The following NLRP13 variants were observed in gnomAD, a reference collection of about 807,000 sequenced individuals.
NLRP13 encodes the protein NACHT, LRR and PYD domains-containing protein 13.
A neutral mutation model predicts 94.4 loss-of-function variants in NLRP13; 82 were observed. The ratio of observed to expected loss-of-function variants is 0.87; its 90% CI spans 0.73 to 1.04. The LOEUF (loss-of-function observed/expected upper bound fraction) is 1.04. Ranked by LOEUF, NLRP13 falls within the 50% of genes least tolerant of loss-of-function variation. The pLI is 0.00. For synonymous variants in NLRP13, 553 were observed against 464.7 expected (o/e 1.19, Z -2.45); for missense variants, 1,426 against 1,230.8 (o/e 1.16, Z -2.37).
chr19:55,894,738 G>T (rs1035703730), downstream of NLRP13, among the ~76,000 whole-genome samples: 2 of 152,206 alleles, frequency 1.3e-5, no homozygotes. Flanking sequence ...CAAGGCTCAT[G>T]TCCGTTTGTT....
intron 8 of NLRP13, 56 bp from the exon 9 acceptor site, chr19:55,902,261 TCCTGGA>T: frequency 1.3e-6 from 2 of 1,543,432 alleles, no homozygotes; most frequent in Non-Finnish European, 1.8e-6. Flanking sequence ...AGACCCAGGC[TCCTGGA>T]ACAGAGCCTC....
At chr19:55,927,771 A>T (rs1350941406) in intron 1 of NLRP13, among the ~76,000 whole-genome samples, 3 of 152,112 alleles carry the variant, frequency 2.0e-5, no homozygotes, top group Non-Finnish European at 2.9e-5. Context: ...TGGAACAGTG[A>T]CCCCAGTTTA....
chr19:55,891,702 C>G (rs1600252937), downstream of NLRP13: 2 of 183,538 alleles, frequency 1.1e-5, no homozygotes, highest in Admixed American at 1.2e-4. Context: ...TTTTTATATG[C>G]TTTGCTTTAT....
In NLRP13 at chr19:55,912,358, C is replaced by G; in HGVS notation, c.1459G>C (p.Ala487Pro). 1 of 1,614,106 alleles carries G rather than the reference C, an allele frequency of 6.2e-7. No individual in the cohort carries two copies. Among genetic ancestry groups the G allele is most frequent in the East Asian group, 2.2e-5 (1 of 44,870 alleles). ...PGQWRALCSL[A>P]IEGLWSMNFT... ...TTCATAGACCACAGCCCTTCTATGGCCAGACTGCAGAGGGCCCTCCATTGT... is the reference window on the plus strand; with the variant it reads ...TTCATAGACCACAGCCCTTCTATGGGCAGACTGCAGAGGGCCCTCCATTGT... Residue 487 changes from alanine (A) to proline (P), a missense_variant, in exon 5 of 11, where the codon GCC becomes CCC. Physicochemically the swap from Ala to Pro is conservative, Grantham distance 27 (BLOSUM62 -1). Coordinates refer to ENST00000342929, the MANE Select transcript of NLRP13 (RefSeq NM_176810.2).
At chr19:55,930,452 G>A (rs1344042069) in intron 1 of NLRP13, among the ~76,000 whole-genome samples, 1 of 152,082 alleles carries the variant, frequency 6.6e-6, no homozygotes, top group Non-Finnish European at 1.5e-5. Context: ...TTGGGAGGCT[G>A]AGGCAGGCAA....
intron 5 of NLRP13, among the ~76,000 whole-genome samples, 165 bp from the exon 6 acceptor site, chr19:55,910,898 C>T (rs1986491664): frequency 6.6e-6 from 1 of 152,152 alleles, no homozygotes; most frequent in African/African-American, 2.4e-5. Flanking sequence ...CTTTGGGAGA[C>T]CGTCGGGAGT....
Position 55,910,632 on chromosome 19 carries a change from A to C in NLRP13, c.2213T>G (p.Leu738Arg). The change falls in exon 6 of 11, where the codon CTT becomes CGT. Residue 738 changes from leucine to arginine, a missense_variant. By Grantham distance (102) the Leu-to-Arg change is moderately radical. Transcript: ENST00000342929. ...LHELDLSNSK[L>R]HASSVKGLCL... The stretch of plus-strand genomic sequence containing the variant: ...GAGACCCTTCACAGAGGAAGCATGA[A>C]GTTTGCTGTTACTCAGGTCTAGCTC... 2.5e-6 allele frequency: 4 copies of C among 1,613,820 alleles called. No individual in the cohort carries two copies. The highest frequency in any genetic ancestry group is 3.4e-6 in the Non-Finnish European group (4 of 1,179,756).
chr19:55,913,891 C>G (rs761753985), intron 4 of NLRP13, among the ~76,000 whole-genome samples: 15 of 152,154 alleles, frequency 9.9e-5, no homozygotes, highest in Non-Finnish European at 1.6e-4. Context: ...AGAGGGGGCC[C>G]ATGAGCCCTC....
chr19:55,910,513 G>A (rs1986475507), intron 6 of NLRP13, 50 bp downstream of exon 6: 1 of 1,472,054 alleles, frequency 6.8e-7, no homozygotes, highest in Non-Finnish European at 9.1e-7. Flanking sequence ...GAGAGAAGTT[G>A]GGAGATTCTC....
intron 4 of NLRP13, among the ~76,000 whole-genome samples, chr19:55,914,334 G>A (rs1219814285): frequency 1.3e-5 from 2 of 152,272 alleles, no homozygotes; most frequent in Non-Finnish European, 1.5e-5. Context: ...AGGCTGGATC[G>A]TGATTATCTT....
At chr19:55,931,314 T>C (rs1465054828) in intron 1 of NLRP13, among the ~76,000 whole-genome samples, 1 of 152,102 alleles carries the variant, frequency 6.6e-6, no homozygotes, top group Non-Finnish European at 1.5e-5. Flanking sequence ...GGTTTCTTAG[T>C]GTTTCTCTTG....
downstream of NLRP13, among the ~76,000 whole-genome samples, chr19:55,895,315 A>C (rs1985976418): frequency 1.3e-5 from 2 of 151,944 alleles, no homozygotes; most frequent in Non-Finnish European, 2.9e-5. Context: ...CAGGATGGGG[A>C]GGTTGTAGTG....
intron 7 of NLRP13, 25 bp from the exon 8 acceptor site, chr19:55,905,137 G>C (rs1372350131): frequency 1.2e-6 from 2 of 1,611,894 alleles, no homozygotes; most frequent in Non-Finnish European, 1.7e-6. Context: ...GGTGCAAGGT[G>C]AGCCTCAGCC....
rs201349874 is a variant in NLRP13, at chr19:55,932,170, G to C, written c.142C>G (p.Pro48Ala). ...PQQLMDFWSA[P>A]QGHFPRIPWA... ...GGGATACGCGGGAAGTGCCCCTGGG[G>C]GGCCGACCAGAAGTCCATCAGCTGC... The change falls in exon 1 of 11, where the codon CCC becomes GCC. Residue 48 changes from proline to alanine, a missense_variant. Coordinates refer to ENST00000342929, the MANE Select transcript of NLRP13 (RefSeq NM_176810.2). The C allele has an allele frequency of 1.2e-6, 2 of 1,614,124 alleles. 1 individual carries two copies. Among genetic ancestry groups the C allele is most frequent in the Middle Eastern group, 3.3e-4 (2 of 6,052 alleles).
intron 4 of NLRP13, among the ~76,000 whole-genome samples, chr19:55,922,818 C>T (rs1986865404): frequency 1.3e-5 from 2 of 152,164 alleles, no homozygotes; most frequent in South Asian, 4.1e-4. Flanking sequence ...TACCTAACAC[C>T]ATGACAAGAA....
At chr19:55,925,203 C>G (rs765622868) in intron 1 of NLRP13, among the ~76,000 whole-genome samples, 168 bp from the exon 2 acceptor site, 1 of 152,216 alleles carries the variant, frequency 6.6e-6, no homozygotes, top group East Asian at 1.9e-4. Flanking sequence ...ATGCAGTGTG[C>G]ACTCTGGAAA....
intron 10 of NLRP13, among the ~76,000 whole-genome samples, chr19:55,896,875 C>G (rs971014418): frequency 6.7e-6 from 1 of 150,264 alleles, no homozygotes; most frequent in Non-Finnish European, 1.5e-5. Context: ...TACTGCATGC[C>G]GGGCACCTTT....
Position 55,896,134 on chromosome 19 carries a change from G to C in NLRP13, c.2958-15C>G. The C allele has an allele frequency of 1.2e-6, 2 of 1,613,328 alleles. No individual in the cohort carries two copies. The highest frequency in any genetic ancestry group is 2.7e-5 in the African/African-American group (2 of 75,014). ...ATTTCGCCAACCTAGGGGCGGGTGG[G>C]AAGAAAGCACAACAGATAGTCCTCT... On this transcript the variant is annotated splice_polypyrimidine_tract_variant and intron_variant, in intron 10 of 10. Coordinates refer to ENST00000342929, the MANE Select transcript of NLRP13 (RefSeq NM_176810.2).
At chr19:55,930,166 C>G (rs535394118) in intron 1 of NLRP13, among the ~76,000 whole-genome samples, 7 of 152,248 alleles carry the variant, frequency 4.6e-5, no homozygotes, top group African/African-American at 1.7e-4. Flanking sequence ...AGAACTCACT[C>G]ATTTGAGGGT....
Sources: gnomAD v4.1 joint callset for allele counts (sites outside exome capture counted in the v4.1 genomes callset) on GRCh38, gnomAD v4.1.1 for gene constraint, MANE v1.5 for transcripts, NCBI Gene and HGNC (gene_info 2026-07-23, HGNC 2026-07-21) for gene names.